MARCHF1: variants seen among roughly 807,000 people sequenced by gnomAD.
MARCHF1 encodes the protein E3 ubiquitin-protein ligase MARCHF1.
MARCHF1 carries 40 observed loss-of-function variants against 54.2 expected under a neutral mutation model. The ratio of observed to expected loss-of-function variants is 0.74; its 90% CI spans 0.57 to 0.96. MARCHF1 has a LOEUF of 0.96. Among genes scored for constraint, MARCHF1 ranks in the 40% least tolerant of loss-of-function variants. MARCHF1 has a pLI of 0.00. For synonymous variants in MARCHF1, 236 were observed against 236.3 expected (o/e 1.00, Z 0.01); for missense variants, 586 against 656.5 (o/e 0.89, Z 1.17).
At chr4:163,820,894 C>T (rs962348405) in intron 4 of MARCHF1, among the ~76,000 whole-genome samples, 1 of 151,994 alleles carries the variant, frequency 6.6e-6, no homozygotes, top group Non-Finnish European at 1.5e-5. Flanking sequence ...GATCTTGTCC[C>T]ATTTATAGTG....
At chr4:164,007,239 G>A (rs1285112028) in intron 2 of MARCHF1, among the ~76,000 whole-genome samples, 22 of 150,078 alleles carry the variant, frequency 1.5e-4, no homozygotes, top group Admixed American at 3.3e-4. Flanking sequence ...CCAGCTACTC[G>A]GGAGGCTGAG....
chr4:164,198,071 G>A (rs943533884), intron 1 of MARCHF1, among the ~76,000 whole-genome samples: 1 of 152,030 alleles, frequency 6.6e-6, no homozygotes, highest in Admixed American at 6.5e-5. Context: ...GACCTGACAC[G>A]GGATATCTTT....
intron 8 of MARCHF1, among the ~76,000 whole-genome samples, chr4:163,547,132 C>T (rs116054019): frequency 0.013 from 1,982 of 152,254 alleles, 36 homozygotes; most frequent in African/African-American, 0.044. Flanking sequence ...AACAAGATGG[C>T]GTACATTGTG....
At chr4:164,303,554 G>T (rs1022427011) in intron 1 of MARCHF1, among the ~76,000 whole-genome samples, 1 of 152,148 alleles carries the variant, frequency 6.6e-6, no homozygotes, top group Non-Finnish European at 1.5e-5. Flanking sequence ...CTATCACTGT[G>T]CCTGGCACAG....
At chr4:164,113,363 T>C (rs13113100) in intron 1 of MARCHF1, among the ~76,000 whole-genome samples, 127,589 of 151,930 alleles carry the variant, frequency 0.84, 54,086 homozygotes, top group Non-Finnish European at 0.89. Flanking sequence ...AGCTTAATAG[T>C]TTGATGCTTT....
chr4:163,968,917 A>T (rs1347799160), intron 3 of MARCHF1, among the ~76,000 whole-genome samples: 1 of 152,166 alleles, frequency 6.6e-6, no homozygotes, highest in Non-Finnish European at 1.5e-5. Flanking sequence ...GCTAAGCTTA[A>T]TTGCTCCCCC....
At position 164,137,729 on chromosome 4, in the gene MARCHF1, C is replaced by T. The variant is rs182091011; in HGVS notation, c.-322-26067G>A. On this transcript the variant is annotated intron_variant, in intron 1 of 9. Coordinates refer to ENST00000514618, the MANE Select transcript of MARCHF1 (RefSeq NM_001394959.1). Reference sequence around the variant, plus strand: ...ACACCATTAATAAAACAGTAAATTCCAGTATTATATCATTATAGAGTTTCC... The same window carrying T: ...ACACCATTAATAAAACAGTAAATTCTAGTATTATATCATTATAGAGTTTCC... Among the ~76,000 whole-genome samples the T allele has an allele frequency of 7.6e-4, 115 of 152,064 alleles. 1 individual carries two copies. The highest frequency in any genetic ancestry group is 2.6e-3 in the African/African-American group (108 of 41,472).
intron 1 of MARCHF1, among the ~76,000 whole-genome samples, chr4:164,380,032 C>A (rs1047334554): frequency 2.7e-5 from 4 of 150,616 alleles, no homozygotes; most frequent in Non-Finnish European, 5.9e-5. Flanking sequence ...AAAATTACAT[C>A]TATTTAAAAA....
chr4:164,377,590 T>TAC (rs1731230260), intron 1 of MARCHF1, among the ~76,000 whole-genome samples: 2 of 100,428 alleles, frequency 2.0e-5, no homozygotes, highest in African/African-American at 6.4e-5. Flanking sequence ...TTACTTTTTA[T>TAC]GCACACACAC....
chr4:163,828,853 C>G (rs755634956), intron 4 of MARCHF1: 38 of 152,158 alleles, frequency 2.5e-4, no homozygotes, highest in Non-Finnish European at 5.3e-4. Context: ...TGATTAGAAA[C>G]AATTATAACT....
rs76865404 is a variant in MARCHF1 at position 163,575,456 on chromosome 4, T to C, written c.1191+10293A>G. The stretch of plus-strand genomic sequence containing the variant: ...TTGATATCTGTTGCATTTAGTTTGC[T>C]AATTTTTTTGAGGATTTTTTGCATC... On this transcript the variant is annotated intron_variant, in intron 8 of 9. Coordinates refer to ENST00000514618, the MANE Select transcript of MARCHF1 (RefSeq NM_001394959.1). Among the ~76,000 whole-genome samples the C allele has an allele frequency of 7.9e-3, 1,204 of 152,180 alleles. 17 individuals carry two copies. The highest frequency in any genetic ancestry group is 0.028 in the African/African-American group (1,154 of 41,552).
At chr4:163,851,993 T>A (rs1329996782) in intron 4 of MARCHF1, among the ~76,000 whole-genome samples, 1 of 152,228 alleles carries the variant, frequency 6.6e-6, no homozygotes, top group African/African-American at 2.4e-5. Flanking sequence ...TTGGGGGTTT[T>A]ATGTTAAAGT....
intron 1 of MARCHF1, among the ~76,000 whole-genome samples, chr4:164,338,577 A>G (rs1232869993): frequency 6.6e-6 from 1 of 152,230 alleles, no homozygotes; most frequent in Admixed American, 6.5e-5. Context: ...AATTTCACAC[A>G]AATGGAAACA....
intron 1 of MARCHF1, among the ~76,000 whole-genome samples, chr4:164,168,225 T>C (rs1191218953): frequency 6.7e-6 from 1 of 148,678 alleles, no homozygotes; most frequent in East Asian, 1.9e-4. Context: ...CTATGAGATA[T>C]CACCTCACAC....
intron 1 of MARCHF1, among the ~76,000 whole-genome samples, chr4:164,281,125 G>A (rs1734015181): frequency 6.6e-6 from 1 of 152,076 alleles, no homozygotes; most frequent in Non-Finnish European, 1.5e-5. Flanking sequence ...ATGATCTTCA[G>A]GTACATAGGC....
intron 4 of MARCHF1, among the ~76,000 whole-genome samples, chr4:163,805,129 A>T (rs1233501463): frequency 6.6e-6 from 1 of 152,128 alleles, no homozygotes; most frequent in African/African-American, 2.4e-5. Context: ...GTGTTTGGAA[A>T]ACTATAAGCT....
chr4:163,641,138 A>G (rs968909204), intron 5 of MARCHF1, among the ~76,000 whole-genome samples: 3 of 152,158 alleles, frequency 2.0e-5, no homozygotes, highest in Non-Finnish European at 4.4e-5. Context: ...ATGTTACAAT[A>G]TGTCATTCTT....
intron 3 of MARCHF1, among the ~76,000 whole-genome samples, chr4:163,857,536 C>T (rs558174063): frequency 6.6e-6 from 1 of 152,186 alleles, no homozygotes; most frequent in Non-Finnish European, 1.5e-5. Flanking sequence ...GCTATCTAGT[C>T]ATTGAACCAA....
Position 164,147,075 on chromosome 4 carries a change from G to T in MARCHF1, c.-322-35413C>A, listed in dbSNP as rs966402640. On this transcript the variant is annotated intron_variant, in intron 1 of 9. Transcript: ENST00000514618. ...GCAGCCAAAAAACACATGAAAAAAT[G>T]CTCACCATCACTGGCCATCAGAGAA... is the stretch of plus-strand genomic sequence containing the variant. Among the ~76,000 whole-genome samples the T allele has an allele frequency of 1.7e-3, 261 of 152,174 alleles. 1 individual carries two copies. The highest frequency in any genetic ancestry group is 2.9e-3 in the Non-Finnish European group (196 of 67,992).
Sources: allele counts gnomAD v4.1 joint callset (sites outside exome capture counted in the v4.1 genomes callset), GRCh38; gene constraint gnomAD v4.1.1; transcripts MANE v1.5; gene names NCBI Gene and HGNC (gene_info 2026-07-23, HGNC 2026-07-21).